Variants in MIPOL1 observed in about 807,000 individuals in gnomAD.
MIPOL1 encodes mirror-image polydactyly gene 1 protein.
Under a neutral mutation model 60.9 loss-of-function variants are expected in MIPOL1, and 57 were observed. That is an observed-to-expected ratio of 0.94 (90% confidence interval 0.76 to 1.17). MIPOL1 has a LOEUF of 1.17. Among genes scored for constraint, MIPOL1 ranks in the 50% most tolerant of loss-of-function variants. The probability of loss-of-function intolerance (pLI) is 0.00; values close to 1 mark genes in which losing one functional copy is unlikely to be tolerated. For synonymous variants in MIPOL1, 179 were observed against 168.8 expected (o/e 1.06, Z -0.47); for missense variants, 551 against 511.6 (o/e 1.08, Z -0.74).
At chr14:37,331,200 T>TTGCTTTGACTACTCTTGGAATC (rs972341209) in intron 9 of MIPOL1, among the ~76,000 whole-genome samples, 4 of 152,064 alleles carry the variant, frequency 2.6e-5, no homozygotes, top group African/African-American at 9.7e-5. Context: ...TTTTTCAAGA[T>TTGCTTTGACTACTCTTGGAATC]TGCTTTGACT....
chr14:37,207,879 A>G (rs962577530), intron 1 of MIPOL1, among the ~76,000 whole-genome samples: 31 of 152,108 alleles, frequency 2.0e-4, no homozygotes, highest in African/African-American at 7.2e-4. Flanking sequence ...TGAAAAACCA[A>G]TTATTAACAG....
At chr14:37,289,040 G>A (rs969757736) in intron 7 of MIPOL1, among the ~76,000 whole-genome samples, 2 of 152,116 alleles carry the variant, frequency 1.3e-5, no homozygotes, top group African/African-American at 4.8e-5. Context: ...AGTTTTTATA[G>A]CCAAAGTGTG....
chr14:37,459,322 A>G (rs2094513118), intron 11 of MIPOL1, among the ~76,000 whole-genome samples: 1 of 152,176 alleles, frequency 6.6e-6, no homozygotes, highest in Non-Finnish European at 1.5e-5. Flanking sequence ...TAAAATCAGA[A>G]ATGATAATGG....
intron 11 of MIPOL1, among the ~76,000 whole-genome samples, chr14:37,464,541 G>T (rs943691806): frequency 6.6e-6 from 1 of 152,084 alleles, no homozygotes; most frequent in South Asian, 2.1e-4. Context: ...ATGGATACAC[G>T]TGGAAATACA....
chr14:37,356,195 G>A (rs1370943258), intron 9 of MIPOL1, among the ~76,000 whole-genome samples: 1 of 151,968 alleles, frequency 6.6e-6, no homozygotes, highest in Non-Finnish European at 1.5e-5. Flanking sequence ...CCCTGCTGGG[G>A]TGTGCCTCCC....
intron 6 of MIPOL1, among the ~76,000 whole-genome samples, chr14:37,284,800 G>A (rs1288020864): frequency 6.6e-6 from 1 of 152,176 alleles, no homozygotes; most frequent in East Asian, 1.9e-4. Flanking sequence ...ATTCCATTCT[G>A]AATGTAATTT....
intron 11 of MIPOL1, among the ~76,000 whole-genome samples, chr14:37,477,570 C>A (rs2094796226): frequency 6.6e-6 from 1 of 152,062 alleles, no homozygotes; most frequent in Non-Finnish European, 1.5e-5. Flanking sequence ...GATTGTGCAT[C>A]CCTAATCTGA....
intron 12 of MIPOL1, chr14:37,504,845 T>C (rs2153617047): frequency 6.6e-6 from 1 of 151,970 alleles, no homozygotes; most frequent in East Asian, 1.9e-4. Flanking sequence ...TCAACAAAAT[T>C]GATAGACTGC....
chr14:37,257,807 G>A (rs1248900176), intron 3 of MIPOL1, among the ~76,000 whole-genome samples: 1 of 152,142 alleles, frequency 6.6e-6, no homozygotes, highest in African/African-American at 2.4e-5. Context: ...GGGTTATATA[G>A]CAGCATTTCA....
intron 9 of MIPOL1, among the ~76,000 whole-genome samples, chr14:37,365,234 C>T (rs978373746): frequency 1.3e-5 from 2 of 152,138 alleles, no homozygotes; most frequent in Admixed American, 1.3e-4. Flanking sequence ...GCTAGTACTT[C>T]CAGTACTATG....
At chr14:37,498,411 T>C (rs2095165697) in intron 11 of MIPOL1, among the ~76,000 whole-genome samples, 1 of 152,072 alleles carries the variant, frequency 6.6e-6, no homozygotes, top group East Asian at 1.9e-4. Flanking sequence ...TCTTCTTTTC[T>C]TTCTTTCTTT....
At chr14:37,319,908 C>T (rs971786260) in intron 9 of MIPOL1, among the ~76,000 whole-genome samples, 3 of 152,024 alleles carry the variant, frequency 2.0e-5, no homozygotes, top group Admixed American at 1.3e-4. Context: ...ATGTTATATA[C>T]TCCTTGTGTC....
intron 1 of MIPOL1, among the ~76,000 whole-genome samples, chr14:37,238,397 C>T (rs950525234): frequency 1.3e-5 from 2 of 152,058 alleles, no homozygotes; most frequent in African/African-American, 2.4e-5. Context: ...CCCATTCTCA[C>T]CCCAGGATAA....
At chr14:37,450,203 C>T (rs527351324) in intron 11 of MIPOL1, among the ~76,000 whole-genome samples, 4 of 152,226 alleles carry the variant, frequency 2.6e-5, no homozygotes, top group East Asian at 3.9e-4. Context: ...TCTCCCTTTA[C>T]GCCAGGGCAG....
chr14:37,283,815 A>G (rs371949777), intron 6 of MIPOL1, among the ~76,000 whole-genome samples: 2 of 152,236 alleles, frequency 1.3e-5, no homozygotes, highest in African/African-American at 4.8e-5. Context: ...AAATTAACAC[A>G]AACAAGCTTG....
intron 1 of MIPOL1, among the ~76,000 whole-genome samples, chr14:37,210,079 GAA>G (rs1423120028): frequency 6.6e-6 from 1 of 151,774 alleles, no homozygotes; most frequent in Non-Finnish European, 1.5e-5. Context: ...ATGTGTTTTT[GAA>G]AAACGCTCAA....
At chr14:37,362,692 C>G (rs907850091) in intron 9 of MIPOL1, among the ~76,000 whole-genome samples, 1 of 152,152 alleles carries the variant, frequency 6.6e-6, no homozygotes, top group Admixed American at 6.5e-5. Context: ...GGATAATATC[C>G]TGAAGAGTGT....
chr14:37,371,485 T>G (rs2092637286), intron 10 of MIPOL1, among the ~76,000 whole-genome samples: 1 of 152,168 alleles, frequency 6.6e-6, no homozygotes, highest in Admixed American at 6.5e-5. Flanking sequence ...CTCATTTTTT[T>G]TTGCAAAAGT....
intron 10 of MIPOL1, among the ~76,000 whole-genome samples, chr14:37,375,956 T>C (rs2092765739): frequency 6.6e-6 from 1 of 152,194 alleles, no homozygotes; most frequent in Non-Finnish European, 1.5e-5. Flanking sequence ...TGGTGGTGCT[T>C]ATTTTTCCAT....
Sources: allele counts gnomAD v4.1 joint callset (sites outside exome capture counted in the v4.1 genomes callset), GRCh38; gene constraint gnomAD v4.1.1; transcripts MANE v1.5; gene names NCBI Gene and HGNC (gene_info 2026-07-23, HGNC 2026-07-21).